PTPRD: variants seen among roughly 807,000 people sequenced by gnomAD.
PTPRD encodes receptor-type tyrosine-protein phosphatase delta.
Under a neutral mutation model 214.5 loss-of-function variants are expected in PTPRD, and 34 were observed. The ratio of observed to expected loss-of-function variants is 0.16; its 90% CI spans 0.12 to 0.21. The LOEUF (loss-of-function observed/expected upper bound fraction) is 0.21, where lower values mean the gene tolerates loss of function less well. Among genes scored for constraint, PTPRD ranks in the 10% least tolerant of loss-of-function variants. The pLI, the probability that PTPRD is intolerant of heterozygous loss-of-function variation, is 1.00. For missense variants in PTPRD, 2,545 were observed against 2,398.7 expected, an observed-to-expected ratio of 1.06 and a Z score of -1.27; for synonymous variants, 1,128 against 845.7, an observed-to-expected ratio of 1.33 and a Z score of -5.79.
intron 37 of PTPRD, among the ~76,000 whole-genome samples, chr9:8,387,086 C>T (rs2087382212): frequency 1.3e-5 from 2 of 152,100 alleles, no homozygotes; most frequent in South Asian, 4.1e-4. Flanking sequence ...GGCTGAACCA[C>T]CACAGAATAA....
Position 9,471,696 on chromosome 9 carries a change from T to C in PTPRD, c.-236-74214A>G, listed in dbSNP as rs560723501. ...GATGTATTGCTCTCATGTACTTATT[T>C]TGAACAATTCAATGCATTTCAGTTA... On this transcript the variant is annotated intron_variant, in intron 8 of 45. Coordinates refer to ENST00000381196, the MANE Select transcript of PTPRD (RefSeq NM_002839.4). Among the ~76,000 whole-genome samples, 110 of 152,330 alleles carry C rather than the reference T, an allele frequency of 7.2e-4. 1 individual carries two copies. The highest frequency in any genetic ancestry group is 2.6e-3 in the African/African-American group (110 of 41,576).
intron 3 of PTPRD, among the ~76,000 whole-genome samples, chr9:10,072,444 G>C (rs2098041402): frequency 6.6e-6 from 1 of 152,066 alleles, no homozygotes; most frequent in East Asian, 1.9e-4. Context: ...AGCTCTTCAA[G>C]ATGGCACGAA....
At chr9:9,449,508 A>G (rs972983776) in intron 8 of PTPRD, among the ~76,000 whole-genome samples, 19 of 152,122 alleles carry the variant, frequency 1.2e-4, no homozygotes, top group Non-Finnish European at 2.1e-4. Flanking sequence ...CTGAGAGAAT[A>G]TAAGGAACCT....
chr9:8,726,826 C>G (rs1288651459), intron 12 of PTPRD, among the ~76,000 whole-genome samples: 1 of 144,108 alleles, frequency 6.9e-6, no homozygotes, highest in Non-Finnish European at 1.5e-5. Flanking sequence ...AAAAGATTAG[C>G]TAAGCATGGT....
chr9:10,548,340 G>A (rs1024872953), intron 2 of PTPRD, among the ~76,000 whole-genome samples: 6 of 152,012 alleles, frequency 3.9e-5, no homozygotes, highest in Non-Finnish European at 8.8e-5. Flanking sequence ...ATACACAGAA[G>A]GAGATACTCT....
At chr9:9,459,953 G>A (rs2093478752) in intron 8 of PTPRD, among the ~76,000 whole-genome samples, 2 of 151,960 alleles carry the variant, frequency 1.3e-5, no homozygotes, top group African/African-American at 4.8e-5. Flanking sequence ...TATACTTCAA[G>A]GCTATAGTAA....
At chr9:9,154,793 C>G (rs1303900902) in intron 10 of PTPRD, among the ~76,000 whole-genome samples, 1 of 151,970 alleles carries the variant, frequency 6.6e-6, no homozygotes, top group Non-Finnish European at 1.5e-5. Context: ...TGACAAAAAC[C>G]ACTTTTTGTT....
At chr9:10,559,326 C>T (rs1297020505) in intron 2 of PTPRD, among the ~76,000 whole-genome samples, 2 of 152,072 alleles carry the variant, frequency 1.3e-5, no homozygotes, top group African/African-American at 4.8e-5. Flanking sequence ...ATTTACTATG[C>T]TATCCATTAA....
chr9:8,331,832 A>G lies in PTPRD; in HGVS notation c.5380-96T>C. ...CAAGAACAATCATTTTCATTTCCCGAAAACAAAAAGGGTAGAAAAAGTTAG... is the reference window on the plus strand; with the variant it reads ...CAAGAACAATCATTTTCATTTCCCGGAAACAAAAAGGGTAGAAAAAGTTAG... On this transcript the variant is annotated intron_variant, in intron 43 of 45. Transcript: ENST00000381196. The G allele has an allele frequency of 2.1e-6, 3 of 1,429,360 alleles. No homozygotes were observed. In the South Asian group the frequency reaches 4.6e-5, roughly 22 times the overall value. 88.5% of individuals were successfully genotyped at this position (1,429,360 alleles called of 1,614,324 possible). A position where few individuals can be genotyped will look rare whatever the true frequency, so the allele number is the denominator to read the frequency against.
chr9:10,247,968 G>A (rs1319910624), intron 3 of PTPRD, among the ~76,000 whole-genome samples: 1 of 152,068 alleles, frequency 6.6e-6, no homozygotes, highest in Non-Finnish European at 1.5e-5. Context: ...TTCCCATGCT[G>A]TTCTCATGAT....
intron 8 of PTPRD, among the ~76,000 whole-genome samples, chr9:9,440,888 T>G (rs529446562): frequency 1.3e-5 from 2 of 152,258 alleles, no homozygotes; most frequent in South Asian, 4.1e-4. Flanking sequence ...GCGGAATATT[T>G]ATCAGGGGCT....
At chr9:8,524,879 C>G (rs776782641) in intron 18 of PTPRD, 46 bp downstream of exon 18, 1 of 1,540,726 alleles carries the variant, frequency 6.5e-7, no homozygotes, top group South Asian at 1.1e-5. Context: ...CTCAACTCCC[C>G]CTGAGCCTGA....
At chr9:8,566,862 C>G (rs2089443742) in intron 14 of PTPRD, among the ~76,000 whole-genome samples, 1 of 152,140 alleles carries the variant, frequency 6.6e-6, no homozygotes, top group South Asian at 2.1e-4. Context: ...CAAAAAGTCT[C>G]CAGCCTGGAC....
intron 11 of PTPRD, among the ~76,000 whole-genome samples, chr9:8,777,198 T>C (rs921883673): frequency 6.6e-6 from 1 of 152,048 alleles, no homozygotes; most frequent in Non-Finnish European, 1.5e-5. Context: ...CAGGCTGATC[T>C]TGAACTCCTG....
At chr9:8,770,431 T>A (rs932479773) in intron 11 of PTPRD, among the ~76,000 whole-genome samples, 2 of 152,080 alleles carry the variant, frequency 1.3e-5, no homozygotes, top group Admixed American at 1.3e-4. Context: ...TGAAAAAATA[T>A]GTTCTATGAG....
intron 9 of PTPRD, among the ~76,000 whole-genome samples, chr9:9,372,702 T>C (rs1437128312): frequency 2.0e-5 from 3 of 152,200 alleles, no homozygotes; most frequent in African/African-American, 7.2e-5. Flanking sequence ...AGTTTCTTCC[T>C]AGCCTTGATG....
chr9:10,361,090 ACT>A (rs1226990815), intron 2 of PTPRD, among the ~76,000 whole-genome samples: 2 of 152,124 alleles, frequency 1.3e-5, no homozygotes, highest in African/African-American at 2.4e-5. Context: ...CGACAGCGAG[ACT>A]CTGTCTCAAA....
intron 14 of PTPRD, among the ~76,000 whole-genome samples, chr9:8,539,906 G>A (rs541408420): frequency 6.6e-5 from 10 of 152,170 alleles, no homozygotes; most frequent in African/African-American, 2.2e-4. Flanking sequence ...AGAACAACTG[G>A]AAAAATGTGA....
At chr9:8,970,133 C>G (rs1244510017) in intron 11 of PTPRD, among the ~76,000 whole-genome samples, 1 of 151,816 alleles carries the variant, frequency 6.6e-6, no homozygotes, top group African/African-American at 2.4e-5. Flanking sequence ...AAATTCTAGA[C>G]TCGTTTATTA....
Sources: allele counts gnomAD v4.1 joint callset (sites outside exome capture counted in the v4.1 genomes callset), GRCh38; gene constraint gnomAD v4.1.1; transcripts MANE v1.5; gene names NCBI Gene and HGNC (gene_info 2026-07-23, HGNC 2026-07-21).